Variants in RELN observed in about 807,000 individuals in gnomAD.
The protein encoded by RELN is reelin.
RELN carries 108 observed loss-of-function variants against 427.6 expected under a neutral mutation model. That is an observed-to-expected ratio of 0.25 (90% CI 0.22 to 0.30). RELN has a LOEUF of 0.30. Ranked by LOEUF, RELN falls within the 10% of genes least tolerant of loss-of-function variation. RELN has a pLI of 1.00. For missense variants in RELN, 3,715 were observed against 4,302.8 expected, an observed-to-expected ratio of 0.86 and a Z score of 3.82; for synonymous variants, 1,524 against 1,513.4, an observed-to-expected ratio of 1.01 and a Z score of -0.16.
In RELN at chr7:103,522,115, A is replaced by G; in HGVS notation, c.7575T>C (p.Ala2525=). 1.2e-6 allele frequency: 2 copies of G among 1,614,024 alleles called. No homozygotes were observed. The highest frequency in any genetic ancestry group is 2.7e-5 in the African/African-American group (2 of 74,978). Residue 2525 remains alanine (A), a synonymous_variant, in exon 48 of 65, where the codon GCT becomes GCC. Coordinates refer to ENST00000428762, the MANE Select transcript of RELN (RefSeq NM_005045.4). ...PTQLKDNFNR[A]PSSQNWLTVN... ...CAGTCAGCCAGTTCTGACTGGATGG[A>G]GCTCGATTGAAGTTGTCTTTGAGTT...
chr7:103,800,500 A>G (rs1792435234), intron 3 of RELN, among the ~76,000 whole-genome samples: 1 of 152,194 alleles, frequency 6.6e-6, no homozygotes, highest in African/African-American at 2.4e-5. Flanking sequence ...TATTTAATAA[A>G]TGGTGCTGGG....
At chr7:103,853,640 T>G (rs1422289871) in intron 2 of RELN, among the ~76,000 whole-genome samples, 1 of 152,026 alleles carries the variant, frequency 6.6e-6, no homozygotes, top group Non-Finnish European at 1.5e-5. Flanking sequence ...GCAAATAATT[T>G]TTTTTTTAAA....
chr7:103,606,588 TAC>T (rs1831825621), intron 22 of RELN, among the ~76,000 whole-genome samples: 1 of 152,212 alleles, frequency 6.6e-6, no homozygotes, highest in Non-Finnish European at 1.5e-5. Context: ...TTATTTTCTT[TAC>T]AGTTACATGC....
intron 4 of RELN, among the ~76,000 whole-genome samples, chr7:103,755,960 T>C (rs1458781209): frequency 6.6e-6 from 1 of 152,176 alleles, no homozygotes; most frequent in African/African-American, 2.4e-5. Flanking sequence ...TCAAATTATT[T>C]CACAGGTTGT....
At chr7:103,748,589 A>G (rs1216354631) in intron 6 of RELN, among the ~76,000 whole-genome samples, 1 of 152,216 alleles carries the variant, frequency 6.6e-6, no homozygotes, top group African/African-American at 2.4e-5. Flanking sequence ...TTTTTAATTT[A>G]CTATAAAAAT....
At chr7:103,841,513 CTCTTT>C (rs955851228) in intron 2 of RELN, among the ~76,000 whole-genome samples, 1 of 152,170 alleles carries the variant, frequency 6.6e-6, no homozygotes, top group Admixed American at 6.5e-5. Flanking sequence ...CCCCCACACT[CTCTTT>C]TAAGACAGTG....
intron 45 of RELN, among the ~76,000 whole-genome samples, chr7:103,538,813 TTTAGG>T (rs1267929150): frequency 3.9e-5 from 6 of 152,228 alleles, no homozygotes; most frequent in Admixed American, 1.3e-4. Context: ...ATTATTACTG[TTTAGG>T]TTATTTACTG....
At chr7:103,885,038 T>C (rs1049622409) in intron 2 of RELN, among the ~76,000 whole-genome samples, 7 of 152,084 alleles carry the variant, frequency 4.6e-5, no homozygotes, top group East Asian at 1.9e-4. Flanking sequence ...ACCCAAATGC[T>C]CATCAATGAT....
rs12705133 is a variant in RELN at position 103,580,705 on chromosome 7, C to G, written c.4146-5000G>C. Among the ~76,000 whole-genome samples the G allele has an allele frequency of 1.0e-2, 1,519 of 152,046 alleles. 19 individuals are homozygous for G. Among genetic ancestry groups the G allele is most frequent in the African/African-American group, 0.027 (1,114 of 41,480 alleles). On this transcript the variant is annotated intron_variant, in intron 28 of 64. Transcript: ENST00000428762. The stretch of plus-strand genomic sequence containing the variant: ...TGAGCAGTGATCATTGTACCCAATA[C>G]GTAGCCATTTATCCCTCACCTTCCT...
At chr7:103,882,619 A>G (rs1331282891) in intron 2 of RELN, among the ~76,000 whole-genome samples, 1 of 152,196 alleles carries the variant, frequency 6.6e-6, no homozygotes, top group Non-Finnish European at 1.5e-5. Flanking sequence ...ATCACCACTG[A>G]TCCCACAGAA....
At chr7:103,509,799 A>G (rs1396721626) in intron 51 of RELN, among the ~76,000 whole-genome samples, 2 of 143,668 alleles carry the variant, frequency 1.4e-5, no homozygotes, top group South Asian at 2.3e-4. Flanking sequence ...AGAAATTTAC[A>G]AGAAAAAAAA....
chr7:103,826,627 T>C (rs1210705423), intron 3 of RELN, among the ~76,000 whole-genome samples: 2 of 152,010 alleles, frequency 1.3e-5, no homozygotes, highest in African/African-American at 4.8e-5. Context: ...TTTGACTGTG[T>C]AGGCAGTTTG....
At chr7:103,914,779 C>G (rs1415718293) in intron 2 of RELN, among the ~76,000 whole-genome samples, 1 of 152,068 alleles carries the variant, frequency 6.6e-6, no homozygotes, top group Non-Finnish European at 1.5e-5. Context: ...GAACTCTTAT[C>G]CCCCCACATC....
chr7:103,669,198 C>T (rs1292365786), intron 11 of RELN, among the ~76,000 whole-genome samples: 1 of 152,096 alleles, frequency 6.6e-6, no homozygotes, highest in Non-Finnish European at 1.5e-5. Context: ...GAAGTTACTT[C>T]CTTTAGAAAT....
chr7:103,833,110 A>T (rs1026181177), intron 3 of RELN, among the ~76,000 whole-genome samples: 2 of 152,036 alleles, frequency 1.3e-5, no homozygotes, highest in Non-Finnish European at 2.9e-5. Context: ...TTTTTTTGTG[A>T]TGTGAATGTT....
chr7:103,866,507 T>A (rs1488940179), intron 2 of RELN, among the ~76,000 whole-genome samples: 2 of 152,108 alleles, frequency 1.3e-5, no homozygotes, highest in South Asian at 2.1e-4. Context: ...TATTTGTGAT[T>A]GTGCTCCTGA....
chr7:103,678,112 A>G (rs1327362389), intron 11 of RELN, among the ~76,000 whole-genome samples: 3 of 152,110 alleles, frequency 2.0e-5, no homozygotes, highest in African/African-American at 7.2e-5. Context: ...ACATTTGTGG[A>G]GTTTCTCTTT....
At chr7:103,497,555 C>G (rs938075550) in intron 55 of RELN, among the ~76,000 whole-genome samples, 2 of 152,188 alleles carry the variant, frequency 1.3e-5, no homozygotes, top group Non-Finnish European at 2.9e-5. Context: ...TTGTATCACT[C>G]AAGCTTCAGT....
intron 4 of RELN, among the ~76,000 whole-genome samples, chr7:103,772,499 G>C (rs1287823067): frequency 1.3e-5 from 2 of 152,132 alleles, no homozygotes; most frequent in Non-Finnish European, 2.9e-5. Flanking sequence ...TAACAGTGTT[G>C]AGAGCATTCC....
Sources: gnomAD v4.1 joint callset for allele counts (sites outside exome capture counted in the v4.1 genomes callset) on GRCh38, gnomAD v4.1.1 for gene constraint, MANE v1.5 for transcripts, NCBI Gene and HGNC (gene_info 2026-07-23, HGNC 2026-07-21) for gene names.